Variants in PID1 observed in about 807,000 individuals in gnomAD.
PID1 encodes the protein phosphotyrosine interaction domain containing 1.
In PID1, 10 loss-of-function variants were observed where a neutral mutation model predicts 19.1. The observed-to-expected ratio is 0.52, with a 90% CI of 0.32 to 0.89. The LOEUF is 0.89. Among genes scored for constraint, PID1 ranks in the 40% least tolerant of loss-of-function variants. The probability of loss-of-function intolerance (pLI) is 0.03; values close to 1 mark genes in which losing one functional copy is unlikely to be tolerated. For synonymous variants in PID1, 130 were observed against 116.0 expected, an observed-to-expected ratio of 1.12 and a Z score of -0.78; for missense variants, 248 against 285.3, an observed-to-expected ratio of 0.87 and a Z score of 0.94.
intron 2 of PID1, among the ~76,000 whole-genome samples, chr2:229,114,149 C>T (rs1171853959): frequency 6.8e-6 from 1 of 146,070 alleles, no homozygotes; most frequent in East Asian, 2.1e-4. Context: ...CTCTCTCTCT[C>T]TTTCTCTCTC....
At chr2:229,029,710 T>C (rs1693505108) in intron 2 of PID1, among the ~76,000 whole-genome samples, 1 of 151,836 alleles carries the variant, frequency 6.6e-6, no homozygotes, top group Non-Finnish European at 1.5e-5. Context: ...CATGATGGTG[T>C]GCACCTGTAA....
At chr2:229,031,234 G>A (rs748854650) in intron 2 of PID1, among the ~76,000 whole-genome samples, 1,959 of 81,344 alleles carry the variant, frequency 0.024, 2 homozygotes, top group Middle Eastern at 0.041. Flanking sequence ...AAAAAAAAAA[G>A]AAATATTGTT....
chr2:229,178,499 TTGG>T (rs374426243), intron 1 of PID1, among the ~76,000 whole-genome samples: 287 of 152,304 alleles, frequency 1.9e-3, no homozygotes, highest in African/African-American at 6.5e-3. Context: ...AATTCTTTTG[TTGG>T]TGATTATCTT....
intron 2 of PID1, among the ~76,000 whole-genome samples, chr2:229,066,463 AT>A (rs1423688045): frequency 6.6e-6 from 1 of 152,176 alleles, no homozygotes; most frequent in Admixed American, 6.6e-5. Flanking sequence ...AAAATAGCCA[AT>A]TTTTGAAAAC....
At chr2:229,058,381 GTTGGTT>G (rs1694145626) in intron 2 of PID1, among the ~76,000 whole-genome samples, 1 of 152,174 alleles carries the variant, frequency 6.6e-6, no homozygotes, top group South Asian at 2.1e-4. Context: ...TGTCCTAGCT[GTTGGTT>G]TTCCAGCAGA....
intron 2 of PID1, among the ~76,000 whole-genome samples, chr2:229,118,128 A>C (rs1318318230): frequency 3.3e-5 from 5 of 152,214 alleles, no homozygotes; most frequent in Admixed American, 3.3e-4. Context: ...GTAAATCGAT[A>C]AATGAATGAA....
At chr2:229,063,112 T>A (rs1694245756) in intron 2 of PID1, among the ~76,000 whole-genome samples, 1 of 152,056 alleles carries the variant, frequency 6.6e-6, no homozygotes, top group Non-Finnish European at 1.5e-5. Flanking sequence ...GTCTAATATC[T>A]ATTACATTTA....
intron 1 of PID1, among the ~76,000 whole-genome samples, chr2:229,182,137 T>C (rs1690958950): frequency 6.6e-6 from 1 of 152,172 alleles, no homozygotes; most frequent in African/African-American, 2.4e-5. Context: ...TGGATACCTA[T>C]CAAAACAAAT....
chr2:229,079,188 G>C (rs564815105), intron 2 of PID1, among the ~76,000 whole-genome samples: 1 of 152,100 alleles, frequency 6.6e-6, no homozygotes, highest in Non-Finnish European at 1.5e-5. Flanking sequence ...GATGAGTATC[G>C]GTCTAAGTCG....
At chr2:229,144,031 C>T (rs1408704458) in intron 2 of PID1, among the ~76,000 whole-genome samples, 1 of 152,028 alleles carries the variant, frequency 6.6e-6, no homozygotes, top group African/African-American at 2.4e-5. Flanking sequence ...TGAAATGTAA[C>T]AAGGGATCAT....
Position 229,193,785 on chromosome 2 carries a change from A to G in PID1, c.31-37821T>C, listed in dbSNP as rs567207453. ...AAAATTATATCGTAGCCTTATTGGG[A>G]AAAAAAAAAAAGACCTTTCAAAGTA... is the stretch of plus-strand genomic sequence containing the variant. On this transcript the variant is annotated intron_variant, in intron 1 of 2. Transcript: ENST00000392055. 2.7e-3 allele frequency among the ~76,000 whole-genome samples: 373 copies of G among 139,464 alleles called. 3 individuals carry two copies. Among genetic ancestry groups the G allele is most frequent in the African/African-American group, 9.7e-3 (348 of 35,974 alleles). The allele number at this position is 139,464 out of a possible 152,430, so 91.5% of individuals were successfully genotyped here.
chr2:229,041,871 A>G (rs971190254), intron 2 of PID1, among the ~76,000 whole-genome samples: 1 of 152,210 alleles, frequency 6.6e-6, no homozygotes, highest in Non-Finnish European at 1.5e-5. Flanking sequence ...ACTGAGAAAG[A>G]ATAAAGATCT....
chr2:229,044,183 C>T (rs1693828696), intron 2 of PID1, among the ~76,000 whole-genome samples: 1 of 152,110 alleles, frequency 6.6e-6, no homozygotes, highest in Admixed American at 6.6e-5. Flanking sequence ...CTGTGCTTTT[C>T]CCAAAACCCT....
At chr2:229,230,883 A>C (rs1028191729) in intron 1 of PID1, among the ~76,000 whole-genome samples, 1 of 152,206 alleles carries the variant, frequency 6.6e-6, no homozygotes, top group African/African-American at 2.4e-5. Flanking sequence ...AGTATAGAAA[A>C]TATATTACTC....
At chr2:229,231,487 G>A (rs1692204490) in intron 1 of PID1, among the ~76,000 whole-genome samples, 1 of 151,982 alleles carries the variant, frequency 6.6e-6, no homozygotes, top group South Asian at 2.1e-4. Flanking sequence ...ATATCAAGCA[G>A]TAACAGGCAT....
chr2:229,252,621 GTTTTT>G (rs1381466253), intron 1 of PID1, among the ~76,000 whole-genome samples: 3 of 152,102 alleles, frequency 2.0e-5, no homozygotes, highest in African/African-American at 7.2e-5. Flanking sequence ...AAATTAGTAG[GTTTTT>G]TAAACTCTGT....
At position 229,246,063 on chromosome 2, in the gene PID1, A is replaced by G. The variant is rs918399488; in HGVS notation, c.30+24951T>C. Among the ~76,000 whole-genome samples the G allele has an allele frequency of 5.3e-5, 8 of 152,320 alleles. No homozygotes were observed. The East Asian group carries it at 1.5e-3, about 29-fold the overall frequency. On this transcript the variant is annotated intron_variant, in intron 1 of 2. Coordinates refer to ENST00000392055, the MANE Select transcript of PID1 (RefSeq NM_001100818.2). ...TATTTCTTCTCTTTTCTGTAGAAAT[A>G]AAAACAGAATTTGCATATAATAGCA...
At chr2:229,079,115 C>T (rs942141161) in intron 2 of PID1, among the ~76,000 whole-genome samples, 4 of 152,092 alleles carry the variant, frequency 2.6e-5, no homozygotes, top group East Asian at 1.9e-4. Flanking sequence ...AAAAGATATA[C>T]TTTTCTTTTT....
At chr2:229,217,448 A>G (rs987575904) in intron 1 of PID1, among the ~76,000 whole-genome samples, 1 of 152,210 alleles carries the variant, frequency 6.6e-6, no homozygotes, top group African/African-American at 2.4e-5. Context: ...TGTGAAGTAA[A>G]CAAGATTCAT....
Sources: allele counts gnomAD v4.1 joint callset (sites outside exome capture counted in the v4.1 genomes callset), GRCh38; gene constraint gnomAD v4.1.1; transcripts MANE v1.5; gene names NCBI Gene and HGNC (gene_info 2026-07-23, HGNC 2026-07-21).